The following NOX4 variants were observed in gnomAD, a reference collection of about 807,000 sequenced individuals.
The protein encoded by NOX4 is kidney oxidase-1.
In NOX4, 69 loss-of-function variants were observed where a neutral mutation model predicts 87.6. The ratio of observed to expected loss-of-function variants is 0.79; its 90% CI spans 0.65 to 0.96. NOX4 has a LOEUF of 0.96. NOX4 is among the 40% of genes least tolerant of loss of function. The pLI is 0.00. For synonymous variants in NOX4, 275 were observed against 238.2 expected (o/e 1.15, Z -1.42); for missense variants, 680 against 681.5 (o/e 1.00, Z 0.02).
chr11:89,477,517 C>T (rs940826060), intron 2 of NOX4, among the ~76,000 whole-genome samples: 2 of 151,716 alleles, frequency 1.3e-5, no homozygotes, highest in Admixed American at 6.6e-5. Context: ...CTGGGGACCG[C>T]TGAAAGAGTG....
At position 89,491,299 on chromosome 11, in the gene NOX4, G is replaced by GCCGGCCCCGCC; in HGVS notation, c.-54_-53insGGCGGGGCCGG. ...GTGCCCGCCGGACCGAGAAGGAGCGGGCGGCGGCCGGGGCAGCGGTTACAG... is the reference window on the plus strand; with the variant it reads ...GTGCCCGCCGGACCGAGAAGGAGCGGCCGGCCCCGCCGCGGCGGCCGGGGCAGCGGTTACAG... On this transcript the variant is annotated 5_prime_UTR_variant, in exon 1 of 18. Coordinates refer to ENST00000263317, the MANE Select transcript of NOX4 (RefSeq NM_016931.5). 1 of 1,548,796 alleles carries GCCGGCCCCGCC rather than the reference G, an allele frequency of 6.5e-7. No individual in the cohort carries two copies. Among genetic ancestry groups the GCCGGCCCCGCC allele is most frequent in the South Asian group, 1.2e-5 (1 of 86,178 alleles).
chr11:89,503,860 C>G, the NOX4 span, among the ~76,000 whole-genome samples: 1 of 145,566 alleles, frequency 6.9e-6, no homozygotes, highest in Non-Finnish European at 1.5e-5. Context: ...TTGGGTTAGA[C>G]ATCATACTAG....
the NOX4 span, among the ~76,000 whole-genome samples, chr11:89,506,588 G>T: frequency 1.3e-5 from 2 of 151,642 alleles, no homozygotes; most frequent in South Asian, 2.1e-4. Context: ...GATGTTAGAG[G>T]TCATTAAAGT....
chr11:89,399,638 T>A (rs1216735640), intron 11 of NOX4, among the ~76,000 whole-genome samples: 1 of 149,914 alleles, frequency 6.7e-6, no homozygotes, highest in African/African-American at 2.4e-5. Context: ...TTTTTTTTTT[T>A]ATTTACTGTA....
intron 3 of NOX4, among the ~76,000 whole-genome samples, chr11:89,450,101 T>C (rs1042925970): frequency 3.3e-5 from 5 of 152,174 alleles, no homozygotes; most frequent in African/African-American, 1.2e-4. Flanking sequence ...TAAGAATGAT[T>C]AAATACTGAG....
the NOX4 span, among the ~76,000 whole-genome samples, chr11:89,505,226 T>C: frequency 3.9e-5 from 6 of 151,952 alleles, no homozygotes; most frequent in Non-Finnish European, 7.4e-5. Flanking sequence ...AAATCATTAA[T>C]GTCTGTCTTC....
chr11:89,551,232 C>T, the NOX4 span, among the ~76,000 whole-genome samples: 11 of 152,198 alleles, frequency 7.2e-5, no homozygotes, highest in South Asian at 1.7e-3. Flanking sequence ...AGACAGGTAG[C>T]GTGATGCCTC....
intron 15 of NOX4, among the ~76,000 whole-genome samples, chr11:89,339,398 A>C (rs1220946831): frequency 6.6e-6 from 1 of 152,178 alleles, no homozygotes; most frequent in Non-Finnish European, 1.5e-5. Flanking sequence ...AGAACACTTA[A>C]GAGTTACCTC....
chr11:89,389,659 C>G (rs1358481217), intron 11 of NOX4, among the ~76,000 whole-genome samples: 4 of 152,124 alleles, frequency 2.6e-5, no homozygotes, highest in African/African-American at 9.7e-5. Flanking sequence ...GGTAATTTTA[C>G]TTATTTTTGT....
chr11:89,330,729 CAAAG>C (rs1463010861), intron 17 of NOX4, among the ~76,000 whole-genome samples: 1 of 147,308 alleles, frequency 6.8e-6, no homozygotes, highest in Non-Finnish European at 1.5e-5. Flanking sequence ...GAAAATAAAA[CAAAG>C]AAAGAACAAA....
At chr11:89,496,580 TAAAAA>T (rs58129167), upstream of NOX4, among the ~76,000 whole-genome samples, 1 of 144,400 alleles carries the variant, frequency 6.9e-6, no homozygotes, top group South Asian at 2.2e-4. Flanking sequence ...AATAGAGCTG[TAAAAA>T]AAAAAAGAGA....
At chr11:89,440,763 G>A in intron 5 of NOX4, 48 bp from the exon 6 acceptor site, 1 of 1,090,612 alleles carries the variant, frequency 9.2e-7, no homozygotes, top group Non-Finnish European at 1.3e-6. Context: ...AAGCACTGAT[G>A]ATATATAATT....
At chr11:89,482,088 G>A (rs1187514767) in intron 2 of NOX4, among the ~76,000 whole-genome samples, 1 of 151,994 alleles carries the variant, frequency 6.6e-6, no homozygotes. Flanking sequence ...GGTAATGGAG[G>A]GAATAAAGGG....
intron 11 of NOX4, among the ~76,000 whole-genome samples, chr11:89,381,329 C>A (rs370621567): frequency 6.6e-6 from 1 of 152,078 alleles, no homozygotes; most frequent in Non-Finnish European, 1.5e-5. Flanking sequence ...CCCAAGCCTG[C>A]ACGTATACAT....
At chr11:89,469,679 G>A (rs1945847324) in intron 2 of NOX4, among the ~76,000 whole-genome samples, 2 of 152,238 alleles carry the variant, frequency 1.3e-5, no homozygotes, top group Non-Finnish European at 2.9e-5. Flanking sequence ...CCCTTGCAAT[G>A]CATCACTCCC....
chr11:89,413,082 A>C (rs1178621704), intron 8 of NOX4, among the ~76,000 whole-genome samples: 1 of 152,204 alleles, frequency 6.6e-6, no homozygotes, highest in Non-Finnish European at 1.5e-5. Context: ...AAAGGTGCTC[A>C]ACATCACATC....
At chr11:89,441,760 G>C (rs1251796849) in intron 5 of NOX4, among the ~76,000 whole-genome samples, 3 of 151,922 alleles carry the variant, frequency 2.0e-5, no homozygotes, top group Admixed American at 6.6e-5. Context: ...TGAAACATGA[G>C]AGTGAGAGAT....
chr11:89,381,885 C>A (rs1940315997), intron 11 of NOX4, among the ~76,000 whole-genome samples: 1 of 152,198 alleles, frequency 6.6e-6, no homozygotes, highest in South Asian at 2.1e-4. Context: ...TCCTTTCAAT[C>A]TTGGTGCCAC....
intron 2 of NOX4, among the ~76,000 whole-genome samples, chr11:89,485,334 A>G (rs926104199): frequency 6.6e-6 from 1 of 152,126 alleles, no homozygotes; most frequent in Non-Finnish European, 1.5e-5. Context: ...TCCTGACACC[A>G]TGTGAATAAC....
Sources: gnomAD v4.1 joint callset for allele counts (sites outside exome capture counted in the v4.1 genomes callset) on GRCh38, gnomAD v4.1.1 for gene constraint, MANE v1.5 for transcripts, NCBI Gene and HGNC (gene_info 2026-07-23, HGNC 2026-07-21) for gene names.